Variants in C11orf65 observed in about 807,000 individuals in gnomAD.
The protein encoded by C11orf65 is chromosome 11 open reading frame 65.
A neutral mutation model predicts 35.3 loss-of-function variants in C11orf65; 38 were observed. The observed-to-expected ratio is 1.08, with a 90% CI of 0.83 to 1.41. The LOEUF (loss-of-function observed/expected upper bound fraction) is 1.41. Ranked by LOEUF, C11orf65 falls within the 40% of genes most tolerant of loss-of-function variation. C11orf65 has a pLI of 0.00. For missense variants in C11orf65, 370 were observed against 367.1 expected, an observed-to-expected ratio of 1.01 and a Z score of -0.06; for synonymous variants, 105 against 114.4, an observed-to-expected ratio of 0.92 and a Z score of 0.53.
chr11:108,365,625 T>G lies in C11orf65; in HGVS notation c.226+27583A>C, dbSNP rs557873808. 1.8e-5 allele frequency: 23 copies of G among 1,268,204 alleles called. No individual in the cohort carries two copies. In the South Asian group the frequency reaches 2.9e-4, roughly 16 times the overall value. 78.6% of individuals were successfully genotyped at this position (1,268,204 alleles called of 1,614,324 possible). A position where few individuals can be genotyped will look rare whatever the true frequency, so the allele number is the denominator to read the frequency against. ...TAATATTTAAGTGAACTATTGTGGGTTTTTTTGAATGTTGGTTTTAATACT... is the reference window on the plus strand; with the variant it reads ...TAATATTTAAGTGAACTATTGTGGGGTTTTTTGAATGTTGGTTTTAATACT... On this transcript the variant is annotated intron_variant, in intron 2 of 3. Coordinates refer to the C11orf65 transcript ENST00000524755.
intron 2 of C11orf65, chr11:108,366,912 G>A (rs748141793): frequency 2.2e-5 from 5 of 225,392 alleles, no homozygotes; most frequent in Admixed American, 5.7e-5. Flanking sequence ...GCTAAAAGCC[G>A]TGGGTTAATG....
At chr11:108,402,370 C>T (rs986650891) in intron 6 of C11orf65, among the ~76,000 whole-genome samples, 58 of 152,214 alleles carry the variant, frequency 3.8e-4, no homozygotes, top group Non-Finnish European at 7.1e-4. Flanking sequence ...CTACTTCTTC[C>T]CCACTAGTGC....
intron 2 of C11orf65, among the ~76,000 whole-genome samples, chr11:108,448,963 A>T (rs1239151913): frequency 6.6e-6 from 1 of 152,190 alleles, no homozygotes; most frequent in East Asian, 1.9e-4. Context: ...AATGTACAAA[A>T]ATCAGAAGCA....
intron 3 of C11orf65, among the ~76,000 whole-genome samples, chr11:108,419,345 T>C (rs564438581): frequency 3.3e-4 from 50 of 151,748 alleles, no homozygotes; most frequent in South Asian, 1.2e-3. Flanking sequence ...AAAAGAAAAA[T>C]TGTATCTCAA....
intron 3 of C11orf65, among the ~76,000 whole-genome samples, chr11:108,430,467 T>G (rs2092971141): frequency 1.3e-5 from 2 of 151,814 alleles, no homozygotes; most frequent in Non-Finnish European, 2.9e-5. Flanking sequence ...ATCGTTAAGA[T>G]AGTAAATTTT....
chr11:108,456,925 T>C (rs75771107), intron 2 of C11orf65, among the ~76,000 whole-genome samples: 1,896 of 152,258 alleles, frequency 0.012, 48 homozygotes, highest in African/African-American at 0.042. Context: ...TCAACACATA[T>C]AGTATTTAAC....
intron 2 of C11orf65, among the ~76,000 whole-genome samples, chr11:108,457,857 T>A: frequency 6.6e-6 from 1 of 152,218 alleles, no homozygotes; most frequent in South Asian, 2.1e-4. Flanking sequence ...AGCAATGTGC[T>A]AAAACTATGC....
At chr11:108,410,990 T>G (rs1434466163) in intron 3 of C11orf65, among the ~76,000 whole-genome samples, 1 of 152,176 alleles carries the variant, frequency 6.6e-6, no homozygotes, top group Non-Finnish European at 1.5e-5. Flanking sequence ...ATTACAGGCA[T>G]GAGCCACCAT....
chr11:108,341,494 CT>C (rs1224729339), intron 2 of C11orf65, among the ~76,000 whole-genome samples: 1 of 152,096 alleles, frequency 6.6e-6, no homozygotes, highest in African/African-American at 2.4e-5. Context: ...TCTCAGTGCC[CT>C]AGCCCTGTGT....
At chr11:108,314,096 C>G (rs1367282631) in intron 6 of C11orf65, among the ~76,000 whole-genome samples, 2 of 152,062 alleles carry the variant, frequency 1.3e-5, no homozygotes. Flanking sequence ...CTTTGTAGGA[C>G]TGTATTTTCT....
intron 2 of C11orf65, among the ~76,000 whole-genome samples, chr11:108,456,714 T>C (rs1269487258): frequency 6.6e-6 from 1 of 151,142 alleles, no homozygotes; most frequent in Admixed American, 6.6e-5. Context: ...GAGTTCAAGG[T>C]TACAGTGAAC....
intron 2 of C11orf65, among the ~76,000 whole-genome samples, chr11:108,446,035 G>C (rs1279102765): frequency 6.7e-6 from 1 of 150,118 alleles, no homozygotes; most frequent in Non-Finnish European, 1.5e-5. Context: ...GATGGAAGAT[G>C]AAATGAATGA....
chr11:108,462,376 C>T (rs2135771479), intron 1 of C11orf65, among the ~76,000 whole-genome samples: 1 of 152,288 alleles, frequency 6.6e-6, no homozygotes, highest in Admixed American at 6.5e-5. Context: ...TTAATATGTT[C>T]TAATTTGTAT....
intron 2 of C11orf65, among the ~76,000 whole-genome samples, chr11:108,448,872 T>C (rs1243596586): frequency 1.3e-5 from 2 of 152,190 alleles, no homozygotes; most frequent in African/African-American, 4.8e-5. Flanking sequence ...CATGATTGTA[T>C]ATCTAGAAAA....
intron 2 of C11orf65, among the ~76,000 whole-genome samples, chr11:108,345,210 C>T (rs2088170478): frequency 6.6e-6 from 1 of 152,136 alleles, no homozygotes; most frequent in Non-Finnish European, 1.5e-5. Flanking sequence ...TAAGCTAAAG[C>T]TTAATAAAGA....
chr11:108,342,774 G>C (rs148608461), intron 2 of C11orf65, among the ~76,000 whole-genome samples: 1 of 152,222 alleles, frequency 6.6e-6, no homozygotes, highest in African/African-American at 2.4e-5. Flanking sequence ...TAAGACTAAA[G>C]CAAGAGTACA....
At chr11:108,385,343 A>G (rs538110276) in intron 8 of C11orf65, among the ~76,000 whole-genome samples, 2 of 151,128 alleles carry the variant, frequency 1.3e-5, no homozygotes, top group Non-Finnish European at 2.9e-5. Context: ...AAGTGCTGGG[A>G]TTACAGGTGT....
intron 2 of C11orf65, among the ~76,000 whole-genome samples, chr11:108,444,242 T>A (rs1057048703): frequency 2.6e-5 from 4 of 151,974 alleles, no homozygotes; most frequent in African/African-American, 9.7e-5. Context: ...AATTCCTGGA[T>A]ACATACACCC....
At chr11:108,385,017 A>G (rs912246256) in intron 8 of C11orf65, among the ~76,000 whole-genome samples, 1 of 152,130 alleles carries the variant, frequency 6.6e-6, no homozygotes, top group African/African-American at 2.4e-5. Flanking sequence ...CCTAAAAACT[A>G]TTTTCAACAT....
Sources: allele counts gnomAD v4.1 joint callset (sites outside exome capture counted in the v4.1 genomes callset), GRCh38; gene constraint gnomAD v4.1.1; transcripts MANE v1.5; gene names NCBI Gene and HGNC (gene_info 2026-07-23, HGNC 2026-07-21).